Variants in MAP3K13 observed in about 807,000 individuals in gnomAD.
MAP3K13 encodes mitogen-activated protein kinase kinase kinase 13, also known as leucine zipper-bearing kinase.
Under a neutral mutation model 104.0 loss-of-function variants are expected in MAP3K13, and 52 were observed. The observed-to-expected ratio is 0.50, with a 90% CI of 0.40 to 0.63. The LOEUF (loss-of-function observed/expected upper bound fraction) is 0.63, where lower values mean the gene tolerates loss of function less well. Among genes scored for constraint, MAP3K13 ranks in the 20% least tolerant of loss-of-function variants. MAP3K13 has a pLI of 0.00. For missense variants in MAP3K13, 914 were observed against 1,218.5 expected (o/e 0.75, Z 3.72); for synonymous variants, 394 against 442.2 (o/e 0.89, Z 1.37).
At chr3:185,372,538 G>C (rs1724210742) in intron 1 of MAP3K13, among the ~76,000 whole-genome samples, 1 of 152,048 alleles carries the variant, frequency 6.6e-6, no homozygotes, top group African/African-American at 2.4e-5. Flanking sequence ...TCTCCAATCA[G>C]GGCTTCCACC....
Position 185,440,354 on chromosome 3 carries a change from T to C in MAP3K13, c.659+2724T>C, listed in dbSNP as rs541140387. On this transcript the variant is annotated intron_variant, in intron 3 of 13. Coordinates refer to ENST00000265026, the MANE Select transcript of MAP3K13 (RefSeq NM_004721.5). ...AGATCACTGTTAGACCGTTTCTATG[T>C]GGAACAAGTTAAAACATAGTCGAAT... Among the ~76,000 whole-genome samples, 17 of 152,340 alleles carry C rather than the reference T, an allele frequency of 1.1e-4. No individual in the cohort carries two copies. In the East Asian group the frequency reaches 2.9e-3, roughly 26 times the overall value.
intron 7 of MAP3K13, among the ~76,000 whole-genome samples, chr3:185,455,436 T>TATATATGATATATATATGAG (rs1716503486): frequency 2.9e-5 from 2 of 68,508 alleles, no homozygotes; most frequent in Non-Finnish European, 6.5e-5. Flanking sequence ...ATATATGAGA[T>TATATATGATATATATATGAG]ATATATATGA....
At chr3:185,456,346 A>T (rs1205917679) in intron 7 of MAP3K13, among the ~76,000 whole-genome samples, 7 of 152,148 alleles carry the variant, frequency 4.6e-5, no homozygotes, top group Non-Finnish European at 1.0e-4. Context: ...CAGAGGAAAT[A>T]AGATGAGGTA....
intron 4 of MAP3K13, among the ~76,000 whole-genome samples, chr3:185,447,352 A>G (rs1460935657): frequency 6.6e-6 from 1 of 151,682 alleles, no homozygotes; most frequent in Non-Finnish European, 1.5e-5. Flanking sequence ...TTAGCTGGGC[A>G]TGGTGGCAGG....
intron 2 of MAP3K13, among the ~76,000 whole-genome samples, chr3:185,290,637 C>T (rs1431774149): frequency 1.3e-5 from 2 of 152,110 alleles, no homozygotes; most frequent in Admixed American, 1.3e-4. Context: ...TACTATTTAC[C>T]AGCTCGGTAA....
Position 185,473,491 on chromosome 3 carries a change from C to T in MAP3K13, c.2160C>T (p.Pro720=). Residue 720 remains proline, a synonymous_variant, in exon 11 of 14, where the codon CCC becomes CCT. Coordinates refer to ENST00000265026, the MANE Select transcript of MAP3K13 (RefSeq NM_004721.5). This position sits in a 1 kb window ranked among gnomAD's most constrained non-coding sequence, Gnocchi z 4.9. ...SSEPDKGQAG[P]WGCCQADAYD... ...AGCCTGACAAGGGCCAAGCTGGTCCCTGGGGCTGTTGCCAGGCTGACGCTT... is the reference window on the plus strand; with the variant it reads ...AGCCTGACAAGGGCCAAGCTGGTCCTTGGGGCTGTTGCCAGGCTGACGCTT... 6.2e-7 allele frequency: 1 copy of T among 1,614,224 alleles called. No homozygotes were observed. The highest frequency in any genetic ancestry group is 8.5e-7 in the Non-Finnish European group (1 of 1,180,042).
intron 2 of MAP3K13, among the ~76,000 whole-genome samples, chr3:185,357,164 G>A (rs2108737192): frequency 6.6e-6 from 1 of 151,638 alleles, no homozygotes; most frequent in South Asian, 2.1e-4. Flanking sequence ...TGAATTCTAG[G>A]CCGGGTGCAG....
At chr3:185,336,175 G>C (rs2108713828) in intron 2 of MAP3K13, among the ~76,000 whole-genome samples, 1 of 152,210 alleles carries the variant, frequency 6.6e-6, no homozygotes, top group East Asian at 1.9e-4. Flanking sequence ...TTTGACCCAA[G>C]GCCCATCCTG....
intron 1 of MAP3K13, among the ~76,000 whole-genome samples, chr3:185,421,683 T>C (rs918948604): frequency 2.8e-4 from 42 of 152,132 alleles, no homozygotes; most frequent in South Asian, 1.2e-3. Context: ...TCAGTTCCCA[T>C]GAGGGTACCT....
At chr3:185,453,207 G>A (rs1358542997) in intron 7 of MAP3K13, among the ~76,000 whole-genome samples, 1 of 152,106 alleles carries the variant, frequency 6.6e-6, no homozygotes, top group East Asian at 1.9e-4. Context: ...AATTATAGCT[G>A]TATGCTTATA....
At chr3:185,440,105 G>C (rs1030704237) in intron 3 of MAP3K13, among the ~76,000 whole-genome samples, 2 of 152,186 alleles carry the variant, frequency 1.3e-5, no homozygotes, top group African/African-American at 4.8e-5. Flanking sequence ...GGAAGTACAA[G>C]ATAAGAATGC....
intron 12 of MAP3K13, among the ~76,000 whole-genome samples, chr3:185,478,051 C>A (rs186626218): frequency 6.6e-6 from 1 of 152,112 alleles, no homozygotes; most frequent in Non-Finnish European, 1.5e-5. Context: ...GAGCTTCAAC[C>A]GATGGATTTG....
chr3:185,403,161 G>T (rs539273543), intron 1 of MAP3K13, among the ~76,000 whole-genome samples: 1 of 152,296 alleles, frequency 6.6e-6, no homozygotes, highest in Non-Finnish European at 1.5e-5. Flanking sequence ...AAAGTAGATA[G>T]GCGTAATCTA....
At chr3:185,330,708 G>A (rs149631196) in intron 2 of MAP3K13, among the ~76,000 whole-genome samples, 1 of 152,054 alleles carries the variant, frequency 6.6e-6, no homozygotes, top group Non-Finnish European at 1.5e-5. Flanking sequence ...TGTACTAGCC[G>A]CATGGTAACA....
rs1560115607 is a variant in MAP3K13, at chr3:185,453,837, A to ACATATATATGAGATATATATG, written c.1278+2442_1278+2443insCATATATATGAGATATATATG. On this transcript the variant is annotated intron_variant, in intron 7 of 13. Coordinates refer to ENST00000265026, the MANE Select transcript of MAP3K13 (RefSeq NM_004721.5). ...ATACATATATATGAGATATATATAT[A>ACATATATATGAGATATATATG]TGATACATATATATGAGATATATAT... Among the ~76,000 whole-genome samples, 39 of 10,720 alleles carry ACATATATATGAGATATATATG rather than the reference A, an allele frequency of 3.6e-3. 4 individuals are homozygous for ACATATATATGAGATATATATG. The highest frequency in any genetic ancestry group is 8.6e-3 in the Non-Finnish European group (23 of 2,682). 7.0% of individuals were successfully genotyped at this position (10,720 alleles called of 152,430 possible).
intron 2 of MAP3K13, among the ~76,000 whole-genome samples, chr3:185,326,690 G>A (rs1722051325): frequency 6.6e-6 from 1 of 151,926 alleles, no homozygotes. Flanking sequence ...GGAAACTTGT[G>A]TGTGTTTGAT....
Position 185,415,573 on chromosome 3 carries a change from A to ATTTT in MAP3K13, c.-85-12921_-85-12920insTTTT, listed in dbSNP as rs34633048. Among the ~76,000 whole-genome samples the ATTTT allele has an allele frequency of 2.8e-3, 336 of 119,332 alleles. 8 individuals are homozygous for ATTTT. Among genetic ancestry groups the ATTTT allele is most frequent in the South Asian group, 7.1e-3 (24 of 3,374 alleles). The allele number at this position is 119,332 out of a possible 152,430, so 78.3% of individuals were successfully genotyped here. A position where few individuals can be genotyped will look rare whatever the true frequency, so the allele number is the denominator to read the frequency against. On this transcript the variant is annotated intron_variant, in intron 1 of 13. Coordinates refer to ENST00000265026, the MANE Select transcript of MAP3K13 (RefSeq NM_004721.5). Reference sequence around the variant, plus strand: ...CACAGTATTAAAACCAGAAGGGTTAATTTCTTTTTTTTTTTTTTTTTTTTT... The same window carrying ATTTT: ...CACAGTATTAAAACCAGAAGGGTTAATTTTTTTCTTTTTTTTTTTTTTTTTTTTT...
intron 2 of MAP3K13, among the ~76,000 whole-genome samples, chr3:185,302,252 A>G (rs1201444812): frequency 6.6e-6 from 1 of 151,918 alleles, no homozygotes; most frequent in African/African-American, 2.4e-5. Flanking sequence ...AAAATACAAA[A>G]AAAAAAAAAA....
chr3:185,445,174 C>A lies in MAP3K13; in HGVS notation c.851+1538C>A, dbSNP rs549939649. On this transcript the variant is annotated intron_variant, in intron 4 of 13. Transcript: ENST00000265026. ...TTATGTAAGGAAAACTAGAGATTAG[C>A]CCAAAGTCATGGGGCTAGGACTCGA... 1.1e-4 allele frequency among the ~76,000 whole-genome samples: 17 copies of A among 152,190 alleles called. No individual in the cohort carries two copies. The South Asian group carries it at 3.3e-3, about 30-fold the overall frequency.
Sources: allele counts gnomAD v4.1 joint callset (sites outside exome capture counted in the v4.1 genomes callset), GRCh38; gene constraint gnomAD v4.1.1; non-coding constraint Gnocchi (gnomAD v3.1); transcripts MANE v1.5; gene names NCBI Gene and HGNC (gene_info 2026-07-23, HGNC 2026-07-21).